The following GALNT10 variants were observed in gnomAD, a reference collection of about 807,000 sequenced individuals.
GALNT10 encodes the protein GalNAc transferase 10.
A neutral mutation model predicts 75.0 loss-of-function variants in GALNT10; 41 were observed. The ratio of observed to expected loss-of-function variants is 0.55; its 90% CI spans 0.43 to 0.71. The LOEUF is 0.71. Ranked by LOEUF, GALNT10 falls within the 30% of genes least tolerant of loss-of-function variation. The pLI is 0.00. For synonymous variants in GALNT10, 302 were observed against 313.0 expected, an observed-to-expected ratio of 0.96 and a Z score of 0.37; for missense variants, 727 against 818.5, an observed-to-expected ratio of 0.89 and a Z score of 1.36.
At chr5:154,296,977 G>C (rs545116691) in intron 2 of GALNT10, among the ~76,000 whole-genome samples, 6 of 152,314 alleles carry the variant, frequency 3.9e-5, no homozygotes, top group Non-Finnish European at 8.8e-5. Context: ...ATCTGACTTT[G>C]TCAATGTTTA....
chr5:154,338,437 A>C (rs1581980853), intron 4 of GALNT10: 1 of 358,174 alleles, frequency 2.8e-6, no homozygotes, highest in Non-Finnish European at 5.3e-6. Context: ...TCTTTAGCAG[A>C]CTCTGACTTA....
At chr5:154,326,350 C>G (rs1754756319) in intron 3 of GALNT10, among the ~76,000 whole-genome samples, 1 of 152,132 alleles carries the variant, frequency 6.6e-6, no homozygotes, top group African/African-American at 2.4e-5. Flanking sequence ...CAGGTCTTTA[C>G]AAAGTTAAAA....
Position 154,386,802 on chromosome 5 carries a change from C to T in GALNT10, c.1056+372C>T, listed in dbSNP as rs371907200. ...GAAGCTAGGAAGGCCAAACAGGATA[C>T]GTAGGCCTAGAGGAGTCCTCTCAGT... On this transcript the variant is annotated intron_variant, in intron 7 of 11. Transcript: ENST00000297107. The T allele has an allele frequency of 8.7e-4, 385 of 441,064 alleles. 6 individuals carry two copies. The South Asian group carries it at 0.011, about 12-fold the overall frequency. 27.3% of individuals were successfully genotyped at this position (441,064 alleles called of 1,614,324 possible).
intron 1 of GALNT10, among the ~76,000 whole-genome samples, chr5:154,238,911 C>T (rs114000211): frequency 5.9e-5 from 9 of 152,230 alleles, no homozygotes; most frequent in Admixed American, 2.0e-4. Flanking sequence ...GTATTTGATT[C>T]GCACCAGCCT....
chr5:154,394,318 TAA>T (rs5872377), intron 7 of GALNT10, among the ~76,000 whole-genome samples: 330 of 124,864 alleles, frequency 2.6e-3, no homozygotes, highest in East Asian at 0.013. Context: ...TGAACAGACT[TAA>T]AAAAAAAAAA....
At chr5:154,216,575 A>G (rs545979969) in intron 1 of GALNT10, among the ~76,000 whole-genome samples, 2 of 152,312 alleles carry the variant, frequency 1.3e-5, no homozygotes, top group South Asian at 4.1e-4. Context: ...TCGTTGGTTA[A>G]TTTTCAGTAA....
At chr5:154,231,947 A>G (rs1457549750) in intron 1 of GALNT10, among the ~76,000 whole-genome samples, 1 of 152,226 alleles carries the variant, frequency 6.6e-6, no homozygotes, top group Non-Finnish European at 1.5e-5. Context: ...CTCAGCCCAA[A>G]GAGCCTGTTA....
chr5:154,223,691 G>A (rs551026005), intron 1 of GALNT10, among the ~76,000 whole-genome samples: 8 of 151,968 alleles, frequency 5.3e-5, no homozygotes, highest in Non-Finnish European at 1.0e-4. Flanking sequence ...AGGCTGAGGC[G>A]GGTGGATCAC....
intron 3 of GALNT10, among the ~76,000 whole-genome samples, chr5:154,308,613 G>A (rs749641771): frequency 2.6e-5 from 4 of 152,164 alleles, no homozygotes; most frequent in Non-Finnish European, 5.9e-5. Flanking sequence ...TGCTTTGCAT[G>A]CCCACCCAAC....
At position 154,376,413 on chromosome 5, in the gene GALNT10, C is replaced by A. The variant is rs1472568295; in HGVS notation, c.705C>A (p.Phe235Leu). 1.2e-6 allele frequency: 2 copies of A among 1,603,398 alleles called. No homozygotes were observed. Among genetic ancestry groups the A allele is most frequent in the African/African-American group, 2.7e-5 (2 of 74,266 alleles). The part of the protein sequence containing the change: ...ASVATGDVIT[F>L]LDSHCEANVN... ...TGGCAACTGGGGATGTCATCACATT[C>A]TTGGATTCACACTGTGAAGCCAATG... is the stretch of plus-strand genomic sequence containing the variant. Residue 235 changes from phenylalanine to leucine, a missense_variant, in exon 5 of 12, where the codon TTC becomes TTA. By Grantham distance (22) the Phe-to-Leu change is conservative. Coordinates refer to ENST00000297107, the MANE Select transcript of GALNT10 (RefSeq NM_198321.4). This position sits in a 1 kb window ranked among gnomAD's most constrained non-coding sequence, Gnocchi z 4.1.
chr5:154,307,192 G>C (rs1341311000), intron 3 of GALNT10, among the ~76,000 whole-genome samples: 2 of 152,168 alleles, frequency 1.3e-5, no homozygotes, highest in Non-Finnish European at 2.9e-5. Context: ...ACTCACTTAA[G>C]GAGAAACGAT....
intron 4 of GALNT10, among the ~76,000 whole-genome samples, chr5:154,331,470 A>C (rs142539832): frequency 6.6e-6 from 1 of 152,100 alleles, no homozygotes; most frequent in East Asian, 1.9e-4. Context: ...CCCCTTTCTG[A>C]GCTTTAGTTC....
At chr5:154,274,684 A>C (rs1336082903) in intron 1 of GALNT10, among the ~76,000 whole-genome samples, 1 of 152,216 alleles carries the variant, frequency 6.6e-6, no homozygotes, top group East Asian at 1.9e-4. Context: ...CAACCAGCTC[A>C]GGAATTGCAA....
At chr5:154,201,560 C>T (rs534106329) in intron 1 of GALNT10, among the ~76,000 whole-genome samples, 15 of 152,288 alleles carry the variant, frequency 9.8e-5, no homozygotes, top group Admixed American at 1.3e-4. Context: ...CAGGTCTACC[C>T]TGTCTAATAA....
chr5:154,311,909 G>C (rs143838204), intron 3 of GALNT10, among the ~76,000 whole-genome samples: 2 of 152,272 alleles, frequency 1.3e-5, no homozygotes, highest in East Asian at 1.9e-4. Flanking sequence ...ACCGTACCCG[G>C]TGGAGGGAAA....
At chr5:154,267,243 G>T (rs569725818) in intron 1 of GALNT10, among the ~76,000 whole-genome samples, 7 of 152,352 alleles carry the variant, frequency 4.6e-5, no homozygotes, top group Non-Finnish European at 7.4e-5. Flanking sequence ...CAAAGTAGCT[G>T]TGGCTACTTG....
intron 7 of GALNT10, among the ~76,000 whole-genome samples, chr5:154,398,798 T>G (rs1301370322): frequency 6.6e-6 from 1 of 152,238 alleles, no homozygotes; most frequent in Non-Finnish European, 1.5e-5. Context: ...CTTGGTCACT[T>G]GCAGGTTTTG....
intron 1 of GALNT10, among the ~76,000 whole-genome samples, chr5:154,285,951 C>T (rs1404769080): frequency 6.6e-6 from 1 of 152,180 alleles, no homozygotes; most frequent in Admixed American, 6.5e-5. Flanking sequence ...CTTTGCATAT[C>T]TTTACTTTTC....
chr5:154,317,744 C>T (rs1754615652), intron 3 of GALNT10, among the ~76,000 whole-genome samples: 1 of 152,176 alleles, frequency 6.6e-6, no homozygotes, highest in South Asian at 2.1e-4. Context: ...GACAAAAAAC[C>T]TAACTCAAAC....
Sources: allele counts gnomAD v4.1 joint callset (sites outside exome capture counted in the v4.1 genomes callset), GRCh38; gene constraint gnomAD v4.1.1; non-coding constraint Gnocchi (gnomAD v3.1); transcripts MANE v1.5; gene names NCBI Gene and HGNC (gene_info 2026-07-23, HGNC 2026-07-21).